Variants in NFATC1 observed in about 807,000 individuals in gnomAD.
NFATC1 encodes nuclear factor of activated T-cells, cytoplasmic 1.
In NFATC1, 22 loss-of-function variants were observed where a neutral mutation model predicts 76.0. That is an observed-to-expected ratio of 0.29 (90% CI 0.21 to 0.41). The LOEUF (loss-of-function observed/expected upper bound fraction) is 0.41. Ranked by LOEUF, NFATC1 falls within the 10% of genes least tolerant of loss-of-function variation. The probability of loss-of-function intolerance (pLI) is 1.00; values close to 1 mark genes in which losing one functional copy is unlikely to be tolerated. For missense variants in NFATC1, 1,357 were observed against 1,337.7 expected (o/e 1.01, Z -0.23); for synonymous variants, 704 against 613.1 (o/e 1.15, Z -2.19).
chr18:79,474,103 A>G (rs2088919458), intron 8 of NFATC1, among the ~76,000 whole-genome samples: 1 of 139,274 alleles, frequency 7.2e-6, no homozygotes, highest in African/African-American at 2.9e-5. Context: ...CGACGTTGTA[A>G]ACCTGAGGGA....
At chr18:79,423,518 C>T (rs568977128) in intron 2 of NFATC1, among the ~76,000 whole-genome samples, 26 of 152,184 alleles carry the variant, frequency 1.7e-4, no homozygotes, top group African/African-American at 5.8e-4. Context: ...GGTCATTGCC[C>T]GTGGCCACAT....
chr18:79,488,298 TTGTGTG>T (rs3222211), intron 9 of NFATC1, among the ~76,000 whole-genome samples: 8,481 of 141,064 alleles, frequency 0.06, 277 homozygotes, highest in Admixed American at 0.087. Context: ...GCAGCCCTGG[TTGTGTG>T]TGTGTGTGTG....
chr18:79,524,763 T>G lies in NFATC1; in HGVS notation c.2783-2765T>G, dbSNP rs1252446203. Among the ~76,000 whole-genome samples the G allele has an allele frequency of 2.6e-5, 4 of 151,926 alleles. No homozygotes were observed. The highest frequency in any genetic ancestry group is 6.5e-5 in the Admixed American group (1 of 15,272). Reference sequence around the variant, plus strand: ...TGGCCGGGGGACACACCGAGGAACTTTCCGCCCCCCGACGGGCTCTCCCAC... The same window carrying G: ...TGGCCGGGGGACACACCGAGGAACTGTCCGCCCCCCGACGGGCTCTCCCAC... On this transcript the variant is annotated intron_variant, in intron 9 of 9. Coordinates refer to ENST00000427363, the MANE Select transcript of NFATC1 (RefSeq NM_001278669.2). The surrounding 1 kb of genome is among the most constrained non-coding windows in gnomAD (Gnocchi z 7.2).
chr18:79,400,670 C>T (rs1163998316), intron 1 of NFATC1, among the ~76,000 whole-genome samples: 5 of 79,074 alleles, frequency 6.3e-5, no homozygotes, highest in African/African-American at 1.9e-4. Context: ...TCCGAGCGCT[C>T]GCGGCGGGGT....
chr18:79,439,945 T>C (rs1004341248), intron 3 of NFATC1, among the ~76,000 whole-genome samples: 2 of 151,832 alleles, frequency 1.3e-5, no homozygotes, highest in African/African-American at 4.8e-5. Flanking sequence ...TTTGAGAAAA[T>C]GGGTGGAATT....
At chr18:79,461,700 T>A (rs1277024826) in intron 7 of NFATC1, among the ~76,000 whole-genome samples, 2 of 152,142 alleles carry the variant, frequency 1.3e-5, no homozygotes, top group Admixed American at 6.5e-5. Context: ...CTCCCGCCCT[T>A]TGCTGTCCCC....
At chr18:79,519,918 G>A (rs1284426602) in intron 9 of NFATC1, among the ~76,000 whole-genome samples, 1 of 152,218 alleles carries the variant, frequency 6.6e-6, no homozygotes, top group African/African-American at 2.4e-5. Context: ...CTTTGCTGGA[G>A]TCGGAAGTAG....
chr18:79,400,683 TG>T (rs199731673), intron 1 of NFATC1, among the ~76,000 whole-genome samples: 3 of 60,294 alleles, frequency 5.0e-5, no homozygotes, highest in Non-Finnish European at 4.2e-5. Flanking sequence ...GGCGGGGTCC[TG>T]GGGGAAGAGC....
intron 7 of NFATC1, among the ~76,000 whole-genome samples, chr18:79,464,702 A>ATATATATATATATATT (rs1425452711): frequency 4.3e-5 from 3 of 69,314 alleles, no homozygotes; most frequent in Admixed American, 1.3e-4. Flanking sequence ...ATATTTATTT[A>ATATATATATATATATT]TTTATTTATT....
intron 1 of NFATC1, among the ~76,000 whole-genome samples, chr18:79,403,307 C>T (rs1013967913): frequency 2.0e-5 from 3 of 152,274 alleles, no homozygotes; most frequent in African/African-American, 7.2e-5. Context: ...AATAGATATT[C>T]AGTAACCATT....
chr18:79,477,814 C>T (rs933184576), intron 8 of NFATC1, among the ~76,000 whole-genome samples: 1 of 152,170 alleles, frequency 6.6e-6, no homozygotes, highest in Non-Finnish European at 1.5e-5. Context: ...TTCCAAGTTG[C>T]AGACAGCCAA....
At chr18:79,441,516 C>A (rs535017109) in intron 3 of NFATC1, among the ~76,000 whole-genome samples, 29 of 152,264 alleles carry the variant, frequency 1.9e-4, no homozygotes, top group African/African-American at 6.5e-4. Flanking sequence ...GGCCACCCTG[C>A]CAGCTCCTTG....
chr18:79,424,121 G>A (rs2086195587), intron 2 of NFATC1, among the ~76,000 whole-genome samples: 1 of 152,256 alleles, frequency 6.6e-6, no homozygotes. Context: ...CCTGGGGCAG[G>A]CTGTGGGAGG....
At chr18:79,488,249 GGT>G (rs371379368) in intron 9 of NFATC1, among the ~76,000 whole-genome samples, 18 of 151,264 alleles carry the variant, frequency 1.2e-4, no homozygotes, top group African/African-American at 3.7e-4. Context: ...CCACAGCCCT[GGT>G]GTGTGTGTGT....
intron 9 of NFATC1, among the ~76,000 whole-genome samples, chr18:79,498,861 C>T (rs987881274): frequency 6.6e-5 from 10 of 152,128 alleles, no homozygotes; most frequent in Admixed American, 1.3e-4. Flanking sequence ...GACAGTGGGA[C>T]GGCGCATTCA....
chr18:79,412,060 C>T (rs2085710481), intron 2 of NFATC1, among the ~76,000 whole-genome samples: 1 of 152,260 alleles, frequency 6.6e-6, no homozygotes, highest in Non-Finnish European at 1.5e-5. Flanking sequence ...TTTGGAACAG[C>T]ACGGCCTCCT....
intron 1 of NFATC1, among the ~76,000 whole-genome samples, chr18:79,404,363 C>T (rs1212937377): frequency 1.3e-5 from 2 of 152,260 alleles, no homozygotes; most frequent in Non-Finnish European, 2.9e-5. Context: ...GTCTGGGAAG[C>T]TGTTGCTGTC....
intron 1 of NFATC1, among the ~76,000 whole-genome samples, chr18:79,397,165 C>T (rs2085035420): frequency 6.6e-6 from 1 of 152,218 alleles, no homozygotes; most frequent in African/African-American, 2.4e-5. Context: ...CCTGGCGATG[C>T]CGGGTGGGCT....
chr18:79,405,083 C>T (rs550163220), intron 1 of NFATC1, among the ~76,000 whole-genome samples: 32 of 152,252 alleles, frequency 2.1e-4, no homozygotes, highest in African/African-American at 6.7e-4. Flanking sequence ...GTGCTCCCCG[C>T]GTGGCCGTCT....
Sources: gnomAD v4.1 joint callset for allele counts (sites outside exome capture counted in the v4.1 genomes callset) on GRCh38, gnomAD v4.1.1 for gene constraint, Gnocchi (gnomAD v3.1) non-coding constraint, MANE v1.5 for transcripts, NCBI Gene and HGNC (gene_info 2026-07-23, HGNC 2026-07-21) for gene names.